Variants in CNTNAP5 observed in about 807,000 individuals in gnomAD.
The protein encoded by CNTNAP5 is contactin-associated protein-like 5.
Under a neutral mutation model 150.2 loss-of-function variants are expected in CNTNAP5, and 72 were observed. That is an observed-to-expected ratio of 0.48 (90% CI 0.40 to 0.58). The LOEUF is 0.58. Among genes scored for constraint, CNTNAP5 ranks in the 20% least tolerant of loss-of-function variants. The pLI is 0.00. For missense variants in CNTNAP5, 1,636 were observed against 1,626.2 expected, an observed-to-expected ratio of 1.01 and a Z score of -0.10; for synonymous variants, 672 against 619.8, an observed-to-expected ratio of 1.08 and a Z score of -1.25.
chr2:124,858,958 G>A (rs1301318914), intron 19 of CNTNAP5, among the ~76,000 whole-genome samples: 2 of 152,070 alleles, frequency 1.3e-5, no homozygotes, highest in African/African-American at 2.4e-5. Flanking sequence ...GAAAACCCTA[G>A]AAGAAAACCG....
chr2:124,734,740 A>C (rs1680346795), intron 13 of CNTNAP5, among the ~76,000 whole-genome samples: 1 of 152,036 alleles, frequency 6.6e-6, no homozygotes, highest in Admixed American at 6.6e-5. Context: ...CTTTCTTTAG[A>C]TGGATCTGCT....
chr2:124,468,494 G>T (rs553648014), intron 6 of CNTNAP5, among the ~76,000 whole-genome samples: 2 of 152,034 alleles, frequency 1.3e-5, no homozygotes, highest in Admixed American at 1.3e-4. Flanking sequence ...TTTTCTAGCA[G>T]TTCCGGCAGT....
chr2:124,674,307 G>T (rs1251871502), intron 13 of CNTNAP5, among the ~76,000 whole-genome samples: 4 of 151,674 alleles, frequency 2.6e-5, no homozygotes, highest in Non-Finnish European at 5.9e-5. Context: ...TAAAGGTAAG[G>T]TTGTTGATTT....
chr2:124,786,190 G>T, intron 17 of CNTNAP5, among the ~76,000 whole-genome samples: 1 of 151,532 alleles, frequency 6.6e-6, no homozygotes, highest in African/African-American at 2.4e-5. Context: ...TGAACTTTGG[G>T]AGATGGAGGC....
intron 3 of CNTNAP5, among the ~76,000 whole-genome samples, chr2:124,309,327 T>C (rs570716778): frequency 6.6e-6 from 1 of 152,146 alleles, no homozygotes; most frequent in Non-Finnish European, 1.5e-5. Flanking sequence ...ACAGATTAAA[T>C]GTGAGTATTG....
chr2:124,084,101 T>C (rs140002407), intron 1 of CNTNAP5, among the ~76,000 whole-genome samples: 169 of 152,278 alleles, frequency 1.1e-3, no homozygotes, highest in African/African-American at 3.8e-3. Context: ...TGGTCATGTT[T>C]TCTTTAGATT....
At chr2:124,878,640 G>C (rs543885607) in intron 21 of CNTNAP5, among the ~76,000 whole-genome samples, 1 of 151,758 alleles carries the variant, frequency 6.6e-6, no homozygotes, top group Admixed American at 6.6e-5. Flanking sequence ...TTGATGATTG[G>C]TAAACAGTGG....
At chr2:124,743,687 A>C (rs1172425948) in intron 13 of CNTNAP5, among the ~76,000 whole-genome samples, 1 of 152,190 alleles carries the variant, frequency 6.6e-6, no homozygotes, top group Non-Finnish European at 1.5e-5. Context: ...GCATCTTCAT[A>C]ATAATACATT....
In CNTNAP5 at chr2:124,242,321, G is replaced by T. The variant is rs1444463999; in HGVS notation, c.309G>T (p.Val103=). The part of the protein sequence containing the change: ...TQGRYGSSDW[V]TSYSLMFSDT... ...GAAGATACGGAAGCTCTGACTGGGT[G>T]ACGAGTTACAGCCTGATGTTCAGTG... The change falls in exon 3 of 24, where the codon GTG becomes GTT. Residue 103 remains valine, a synonymous_variant. Transcript: ENST00000682447. 16 of 1,613,284 alleles carry T rather than the reference G, an allele frequency of 9.9e-6. 1 individual carries two copies. Among genetic ancestry groups the T allele is most frequent in the Non-Finnish European group, 1.3e-5 (15 of 1,179,714 alleles).
intron 13 of CNTNAP5, among the ~76,000 whole-genome samples, chr2:124,699,782 C>CCTTTCTTT (rs34337146): frequency 1.3e-5 from 2 of 151,316 alleles, no homozygotes; most frequent in South Asian, 2.1e-4. Context: ...TGTTCTTTCT[C>CCTTTCTTT]CTTTCTTTCT....
At chr2:124,683,117 C>G (rs553336516) in intron 13 of CNTNAP5, among the ~76,000 whole-genome samples, 3 of 152,148 alleles carry the variant, frequency 2.0e-5, no homozygotes, top group Non-Finnish European at 2.9e-5. Context: ...TTGGTGTTTA[C>G]TCCTGTTAAT....
intron 21 of CNTNAP5, among the ~76,000 whole-genome samples, chr2:124,893,136 T>C (rs1273040892): frequency 1.3e-5 from 2 of 152,116 alleles, no homozygotes; most frequent in African/African-American, 4.8e-5. Context: ...CAGTGTACCA[T>C]CCTACAGGCT....
chr2:124,818,782 C>A (rs939440319), intron 19 of CNTNAP5, among the ~76,000 whole-genome samples: 13 of 152,146 alleles, frequency 8.5e-5, no homozygotes, highest in Non-Finnish European at 1.9e-4. Context: ...GAGAGACCAA[C>A]TGCATTTCTC....
At chr2:124,148,901 T>C (rs551811977) in intron 1 of CNTNAP5, among the ~76,000 whole-genome samples, 7 of 152,068 alleles carry the variant, frequency 4.6e-5, no homozygotes, top group African/African-American at 1.7e-4. Flanking sequence ...TGTATGTATA[T>C]ATACACATGT....
At chr2:124,153,817 T>C (rs1459907195) in intron 1 of CNTNAP5, among the ~76,000 whole-genome samples, 1 of 151,898 alleles carries the variant, frequency 6.6e-6, no homozygotes, top group East Asian at 1.9e-4. Flanking sequence ...CACTATATGT[T>C]GGCCAGGCTA....
Position 124,743,633 on chromosome 2 carries a change from G to C in CNTNAP5, c.2078-3596G>C, listed in dbSNP as rs190976403. 5.1e-4 allele frequency among the ~76,000 whole-genome samples: 77 copies of C among 152,348 alleles called. 1 individual carries two copies. Among genetic ancestry groups the C allele is most frequent in the Non-Finnish European group, 8.2e-4 (56 of 68,034 alleles). Reference sequence around the variant, plus strand: ...TCTAGGCGTTCAGCATTCGGGGGCAGCCAGCTGGGCAGGGTTTTATATTTA... The same window carrying C: ...TCTAGGCGTTCAGCATTCGGGGGCACCCAGCTGGGCAGGGTTTTATATTTA... On this transcript the variant is annotated intron_variant, in intron 13 of 23. Coordinates refer to ENST00000682447, the MANE Select transcript of CNTNAP5 (RefSeq NM_001367498.1).
intron 13 of CNTNAP5, among the ~76,000 whole-genome samples, chr2:124,682,883 A>C (rs1291360355): frequency 6.6e-6 from 1 of 152,188 alleles, no homozygotes; most frequent in Non-Finnish European, 1.5e-5. Context: ...AATAGGATAC[A>C]AGCAATCTAG....
intron 13 of CNTNAP5, among the ~76,000 whole-genome samples, chr2:124,701,788 T>C (rs151314422): frequency 2.2e-4 from 33 of 152,276 alleles, no homozygotes; most frequent in African/African-American, 6.5e-4. Flanking sequence ...CCTTTACATA[T>C]GCCTGCTGGC....
intron 6 of CNTNAP5, among the ~76,000 whole-genome samples, chr2:124,459,597 C>G (rs1181682551): frequency 6.6e-6 from 1 of 151,702 alleles, no homozygotes; most frequent in East Asian, 1.9e-4. Context: ...ACTAAAAACA[C>G]AAAAATTAAC....
Sources: gnomAD v4.1 joint callset for allele counts (sites outside exome capture counted in the v4.1 genomes callset) on GRCh38, gnomAD v4.1.1 for gene constraint, MANE v1.5 for transcripts, NCBI Gene and HGNC (gene_info 2026-07-23, HGNC 2026-07-21) for gene names.